Variants in MAP1B observed in about 807,000 individuals in gnomAD.
MAP1B encodes the protein microtubule associated protein 1B, also known as microtubule-associated protein 1B.
MAP1B carries 12 observed loss-of-function variants against 176.1 expected under a neutral mutation model. That is an observed-to-expected ratio of 0.07 (90% CI 0.04 to 0.11). The LOEUF is 0.11. Among genes scored for constraint, MAP1B ranks in the 10% least tolerant of loss-of-function variants. The pLI is 1.00. For missense variants in MAP1B, 2,523 were observed against 2,990.5 expected, an observed-to-expected ratio of 0.84 and a Z score of 3.65; for synonymous variants, 1,044 against 1,135.0, an observed-to-expected ratio of 0.92 and a Z score of 1.61.
rs1427480782 is a variant in MAP1B, at chr5:72,197,211, A to C, written c.3856A>C (p.Ile1286Leu). The stretch of plus-strand genomic sequence containing the variant: ...GAACTTCTCTCTGACGCCCAATGAG[A>C]TTAAAGTCTCTGCAGAGGCAGAAGT... ...SVNFSLTPNE[I>L]KVSAEAEVAP... The change falls in exon 5 of 7, where the codon ATT becomes CTT. Residue 1286 changes from isoleucine (I) to leucine (L), a missense_variant. Around this residue, in one of 4 missense-constraint regions of MAP1B, gnomAD observed 1,925 missense variants for 2,126.0 expected, o/e 0.91. Coordinates refer to ENST00000296755, the MANE Select transcript of MAP1B (RefSeq NM_005909.5). The C allele has an allele frequency of 1.2e-6, 2 of 1,614,182 alleles. No individual in the cohort carries two copies. Among genetic ancestry groups the C allele is most frequent in the Non-Finnish European group, 8.5e-7 (1 of 1,180,038 alleles).
At chr5:72,148,494 A>C (rs1178110970) in intron 2 of MAP1B, among the ~76,000 whole-genome samples, 1 of 152,242 alleles carries the variant, frequency 6.6e-6, no homozygotes, top group Non-Finnish European at 1.5e-5. Flanking sequence ...AACATTCATC[A>C]GAACCACTTG....
In MAP1B at chr5:72,183,724, T is replaced by G. The variant is rs373100385; in HGVS notation, c.287-19T>G. On this transcript the variant is annotated intron_variant, in intron 2 of 6. Transcript: ENST00000296755. ...AAAGCTAAAGGTCTCCTCTTTTGTT[T>G]GTGTTTTTGTGCCTGCAGGACAAAA... The G allele has an allele frequency of 1.4e-5, 22 of 1,606,928 alleles. No homozygotes were observed. The highest frequency in any genetic ancestry group is 2.7e-5 in the African/African-American group (2 of 74,812).
chr5:72,195,700 T>C lies in MAP1B; in HGVS notation c.2345T>C (p.Ile782Thr), dbSNP rs1428834923. The C allele has an allele frequency of 6.2e-7, 1 of 1,613,944 alleles. No individual in the cohort carries two copies. The highest frequency in any genetic ancestry group is 8.5e-7 in the Non-Finnish European group (1 of 1,179,970). Residue 782 changes from isoleucine to threonine, a missense_variant, in exon 5 of 7, where the codon ATA becomes ACA. By Grantham distance (89) the Ile-to-Thr change is moderately conservative. This residue lies in a region of MAP1B where 1,925 missense variants were observed against 2,126.0 expected (regional missense o/e 0.91). Transcript: ENST00000296755. ...AAGKPKEKGK[I>T]KVIKKEGKAA... Reference sequence around the variant, plus strand: ...GGAAAGCCAAAGGAGAAGGGGAAAATAAAAGTCATTAAGAAGGAAGGCAAG... The same window carrying C: ...GGAAAGCCAAAGGAGAAGGGGAAAACAAAAGTCATTAAGAAGGAAGGCAAG...
chr5:72,181,642 C>T (rs1421498976), intron 2 of MAP1B, among the ~76,000 whole-genome samples: 1 of 151,964 alleles, frequency 6.6e-6, no homozygotes, highest in African/African-American at 2.4e-5. Context: ...ACTGCAGCCT[C>T]GACCTTCTGG....
chr5:72,117,229 T>A (rs1239974023), intron 2 of MAP1B, among the ~76,000 whole-genome samples: 1 of 152,172 alleles, frequency 6.6e-6, no homozygotes, highest in Non-Finnish European at 1.5e-5. Flanking sequence ...TTGTTTCTCT[T>A]GTTGTTATTT....
chr5:72,147,949 G>C (rs967757146), intron 2 of MAP1B, among the ~76,000 whole-genome samples: 1 of 152,150 alleles, frequency 6.6e-6, no homozygotes, highest in Non-Finnish European at 1.5e-5. Context: ...CGGAGTTCAG[G>C]ACAGTGGTTT....
At chr5:72,183,871 G>T in intron 3 of MAP1B, 46 bp downstream of exon 3, 1 of 1,525,332 alleles carries the variant, frequency 6.6e-7, no homozygotes, top group South Asian at 1.1e-5. Context: ...CCCACACACT[G>T]GATAGGGACC....
Position 72,186,853 on chromosome 5 carries a change from C to T in MAP1B, c.510+99C>T, listed in dbSNP as rs79602419. 2.5e-3 allele frequency: 3,511 copies of T among 1,382,808 alleles called. 59 individuals are homozygous for T. In the African/African-American group the frequency reaches 0.043, roughly 17 times the overall value. 85.7% of individuals were successfully genotyped at this position (1,382,808 alleles called of 1,614,324 possible). On this transcript the variant is annotated intron_variant, in intron 4 of 6. Coordinates refer to ENST00000296755, the MANE Select transcript of MAP1B (RefSeq NM_005909.5). This position sits in a 1 kb window ranked among gnomAD's most constrained non-coding sequence, Gnocchi z 4.3. ...GGAGACAAAAGAAGAAGGGAGGGAACCTCACAGCTCTCCTGAAATAAGCAA... is the reference window on the plus strand; with the variant it reads ...GGAGACAAAAGAAGAAGGGAGGGAATCTCACAGCTCTCCTGAAATAAGCAA...
chr5:72,144,681 C>A (rs1296821938), intron 2 of MAP1B, among the ~76,000 whole-genome samples: 1 of 152,182 alleles, frequency 6.6e-6, no homozygotes, highest in Non-Finnish European at 1.5e-5. Flanking sequence ...CAGGCATGAG[C>A]CACCATGCCA....
chr5:72,194,867 G>T lies in MAP1B; in HGVS notation c.1512G>T (p.Lys504Asn). The T allele has an allele frequency of 6.2e-7, 1 of 1,614,136 alleles. No homozygotes were observed. Among genetic ancestry groups the T allele is most frequent in the South Asian group, 1.1e-5 (1 of 91,086 alleles). Residue 504 changes from lysine to asparagine, a missense_variant, in exon 5 of 7, where the codon AAG (lysine) becomes AAT (asparagine). This residue lies in a region of MAP1B where 1,925 missense variants were observed against 2,126.0 expected (regional missense o/e 0.91). Coordinates refer to ENST00000296755, the MANE Select transcript of MAP1B (RefSeq NM_005909.5). This position sits in a 1 kb window ranked among gnomAD's most constrained non-coding sequence, Gnocchi z 7.2. The stretch of plus-strand genomic sequence containing the variant: ...ACAACATCCTGGAAGGGTTGGAAAA[G>T]CTCAAACATCTAGACTTTCTGAAGC... ...TQYNILEGLE[K>N]LKHLDFLKQP...
rs143741405 is a variant in MAP1B at position 72,118,455 on chromosome 5, T to C, written c.286+2656T>C. Among the ~76,000 whole-genome samples the C allele has an allele frequency of 3.3e-3, 497 of 152,302 alleles. 3 individuals carry two copies. Among genetic ancestry groups the C allele is most frequent in the African/African-American group, 0.011 (451 of 41,558 alleles). On this transcript the variant is annotated intron_variant, in intron 2 of 6. Transcript: ENST00000296755. ...ATACCAGGCATTATAGGGTGCTTGG[T>C]GAGTGAGGACACTGTGAAGAACAAA...
At chr5:72,166,771 C>G (rs1454372847) in intron 2 of MAP1B, among the ~76,000 whole-genome samples, 1 of 152,172 alleles carries the variant, frequency 6.6e-6, no homozygotes, top group Non-Finnish European at 1.5e-5. Flanking sequence ...AGAGTCAAAA[C>G]TGAATTAAAA....
rs1291280608 is a variant in MAP1B, at chr5:72,199,612, C to T, written c.6257C>T (p.Ser2086Phe). 1.9e-6 allele frequency: 3 copies of T among 1,614,172 alleles called. No individual in the cohort carries two copies. The highest frequency in any genetic ancestry group is 1.7e-6 in the Non-Finnish European group (2 of 1,180,038). The change falls in exon 5 of 7, where the codon TCC becomes TTC. Residue 2086 changes from serine to phenylalanine, a missense_variant. Transcript: ENST00000296755. The surrounding 1 kb of genome is among the most constrained non-coding windows in gnomAD (Gnocchi z 4.2). ...ARQDVDLCLV[S>F]SCEYKHPKTE... is the part of the protein sequence containing the mutation. Reference sequence around the variant, plus strand: ...CAGGATGTCGATTTATGCCTCGTGTCCTCTTGTGAATACAAGCACCCCAAG... The same window carrying T: ...CAGGATGTCGATTTATGCCTCGTGTTCTCTTGTGAATACAAGCACCCCAAG...
At chr5:72,200,717 C>T (rs1006918618) in intron 5 of MAP1B, among the ~76,000 whole-genome samples, 1 of 152,278 alleles carries the variant, frequency 6.6e-6, no homozygotes, top group South Asian at 2.1e-4. Context: ...ATACTGGCCT[C>T]AGAATCCAGC....
Position 72,195,693 on chromosome 5 carries a change from G to A in MAP1B, c.2338G>A (p.Gly780Arg), listed in dbSNP as rs1359055489. 10 of 1,614,212 alleles carry A rather than the reference G, an allele frequency of 6.2e-6. No homozygotes were observed. Among genetic ancestry groups the A allele is most frequent in the Admixed American group, 1.7e-5 (1 of 60,012 alleles). The change falls in exon 5 of 7, where the codon GGG (glycine) becomes AGG (arginine). Residue 780 changes from glycine (G) to arginine (R), a missense_variant. Coordinates refer to ENST00000296755, the MANE Select transcript of MAP1B (RefSeq NM_005909.5). ...SVAAGKPKEKGKIKVIKKEGK... is the reference protein window; with the variant it reads ...SVAAGKPKEKRKIKVIKKEGK... ...TGCTGCCGGAAAGCCAAAGGAGAAGGGGAAAATAAAAGTCATTAAGAAGGA... is the reference window on the plus strand; with the variant it reads ...TGCTGCCGGAAAGCCAAAGGAGAAGAGGAAAATAAAAGTCATTAAGAAGGA...
chr5:72,205,320 C>A lies in MAP1B; in HGVS notation c.*81C>A. On this transcript the variant is annotated 3_prime_UTR_variant, in exon 7 of 7. Coordinates refer to ENST00000296755, the MANE Select transcript of MAP1B (RefSeq NM_005909.5). Reference sequence around the variant, plus strand: ...TTTGAAATCACCTTTTCTAAAAAGTCAATTCATCTAGTTAAGTCGCTGAAC... The same window carrying A: ...TTTGAAATCACCTTTTCTAAAAAGTAAATTCATCTAGTTAAGTCGCTGAAC... The A allele has an allele frequency of 7.1e-7, 1 of 1,417,392 alleles. No individual in the cohort carries two copies. Among genetic ancestry groups the A allele is most frequent in the South Asian group, 1.3e-5 (1 of 76,864 alleles). 87.8% of individuals were successfully genotyped at this position (1,417,392 alleles called of 1,614,324 possible).
At chr5:72,158,442 G>A (rs6884335) in intron 2 of MAP1B, among the ~76,000 whole-genome samples, 115,815 of 152,026 alleles carry the variant, frequency 0.76, 45,195 homozygotes, top group South Asian at 0.92. Context: ...GATTAAAGCA[G>A]TTGGAGAAAA....
At chr5:72,123,789 C>T (rs1401748230) in intron 2 of MAP1B, among the ~76,000 whole-genome samples, 10 of 152,008 alleles carry the variant, frequency 6.6e-5, no homozygotes, top group African/African-American at 2.4e-4. Context: ...CGGCCTATGC[C>T]CAGCTAGTTT....
At chr5:72,132,673 C>A (rs940487449) in intron 2 of MAP1B, among the ~76,000 whole-genome samples, 7 of 152,162 alleles carry the variant, frequency 4.6e-5, no homozygotes, top group Non-Finnish European at 2.9e-5. Context: ...GTCATTCAGC[C>A]CACCCTGTTT....
Sources: allele counts gnomAD v4.1 joint callset (sites outside exome capture counted in the v4.1 genomes callset), GRCh38; gene constraint gnomAD v4.1.1; regional missense constraint gnomAD v4.1.1; non-coding constraint Gnocchi (gnomAD v3.1); transcripts MANE v1.5; gene names NCBI Gene and HGNC (gene_info 2026-07-23, HGNC 2026-07-21).